TAPT1: variants seen among roughly 807,000 people sequenced by gnomAD.
The protein encoded by TAPT1 is transmembrane anterior posterior transformation protein 1 homolog.
A neutral mutation model predicts 65.6 loss-of-function variants in TAPT1; 28 were observed. That is an observed-to-expected ratio of 0.43 (90% CI 0.32 to 0.59). TAPT1 has a LOEUF of 0.59. TAPT1 is among the 20% of genes least tolerant of loss of function. The probability of loss-of-function intolerance (pLI) is 0.09; values close to 1 mark genes in which losing one functional copy is unlikely to be tolerated. For missense variants in TAPT1, 563 were observed against 679.9 expected, an observed-to-expected ratio of 0.83 and a Z score of 1.91; for synonymous variants, 278 against 245.2, an observed-to-expected ratio of 1.13 and a Z score of -1.25.
chr4:16,218,471 C>G (rs35046072), intron 1 of TAPT1, among the ~76,000 whole-genome samples: 8,044 of 152,254 alleles, frequency 0.053, 238 homozygotes, highest in Middle Eastern at 0.14. Context: ...CTGGAGATGA[C>G]AGCTTTGACC....
chr4:16,202,117 C>G (rs935902301), intron 3 of TAPT1, among the ~76,000 whole-genome samples: 1 of 152,106 alleles, frequency 6.6e-6, no homozygotes, highest in Non-Finnish European at 1.5e-5. Context: ...GGCCCAAGGA[C>G]TTTGGGGAAA....
At chr4:16,177,543 C>T (rs974217842) in intron 8 of TAPT1, among the ~76,000 whole-genome samples, 2 of 152,126 alleles carry the variant, frequency 1.3e-5, no homozygotes, top group Admixed American at 6.5e-5. Flanking sequence ...GGACCTCTTT[C>T]GCCGATAAGC....
At chr4:16,189,598 G>C (rs916774512) in intron 4 of TAPT1, among the ~76,000 whole-genome samples, 4 of 152,152 alleles carry the variant, frequency 2.6e-5, no homozygotes, top group Non-Finnish European at 5.9e-5. Flanking sequence ...GAGATATTCA[G>C]CAACAGTAAC....
At chr4:16,206,296 T>A (rs1490943734) in intron 2 of TAPT1, among the ~76,000 whole-genome samples, 1 of 152,244 alleles carries the variant, frequency 6.6e-6, no homozygotes, top group Non-Finnish European at 1.5e-5. Flanking sequence ...CATAGAATGA[T>A]CCTGAGACTT....
Position 16,221,831 on chromosome 4 carries a change from G to C in TAPT1, c.199+4428C>G, listed in dbSNP as rs373044708. Among the ~76,000 whole-genome samples, 23 of 152,266 alleles carry C rather than the reference G, an allele frequency of 1.5e-4. No homozygotes were observed. The East Asian group carries it at 1.9e-3, about 13-fold the overall frequency. On this transcript the variant is annotated intron_variant, in intron 1 of 13. Coordinates refer to ENST00000405303, the MANE Select transcript of TAPT1 (RefSeq NM_153365.3). ...AAATATTAAATAAGCTTATTGAACA[G>C]AGACACACTCTTGTACCAGGCCAAT...
intron 1 of TAPT1, among the ~76,000 whole-genome samples, chr4:16,225,723 T>A (rs1751510576): frequency 6.6e-6 from 1 of 152,212 alleles, no homozygotes; most frequent in South Asian, 2.1e-4. Flanking sequence ...CAACATTTTA[T>A]GGAGTGTTAA....
intron 5 of TAPT1, among the ~76,000 whole-genome samples, chr4:16,187,677 T>C (rs1417481538): frequency 2.0e-5 from 3 of 152,064 alleles, no homozygotes; most frequent in East Asian, 1.9e-4. Flanking sequence ...AATGTGTGTA[T>C]AAATATGTAG....
intron 7 of TAPT1, among the ~76,000 whole-genome samples, chr4:16,181,273 A>G (rs1748691942): frequency 1.3e-5 from 2 of 152,236 alleles, no homozygotes; most frequent in Non-Finnish European, 2.9e-5. Context: ...CCATAAATGA[A>G]TTTAACAATG....
At chr4:16,223,670 T>A (rs1188519955) in intron 1 of TAPT1, among the ~76,000 whole-genome samples, 1 of 152,208 alleles carries the variant, frequency 6.6e-6, no homozygotes, top group Non-Finnish European at 1.5e-5. Flanking sequence ...TTAGACTTAA[T>A]GGAGACACAT....
intron 3 of TAPT1, among the ~76,000 whole-genome samples, chr4:16,194,365 C>T (rs1578448538): frequency 6.6e-6 from 1 of 152,170 alleles, no homozygotes; most frequent in African/African-American, 2.4e-5. Flanking sequence ...AAGGGACAGT[C>T]AGGAACATGC....
intron 4 of TAPT1, among the ~76,000 whole-genome samples, chr4:16,188,920 C>T (rs1412974983): frequency 7.0e-6 from 1 of 142,452 alleles, no homozygotes; most frequent in East Asian, 2.1e-4. Context: ...TCTGACTCAA[C>T]CAAAAAAAGA....
chr4:16,211,616 G>A (rs1750659064), intron 2 of TAPT1, among the ~76,000 whole-genome samples: 1 of 152,118 alleles, frequency 6.6e-6, no homozygotes, highest in South Asian at 2.1e-4. Context: ...CTCTCTCAGG[G>A]AAAACAAAAA....
At chr4:16,196,613 T>C (rs1749718842) in intron 3 of TAPT1, 1 of 1,060,346 alleles carries the variant, frequency 9.4e-7, no homozygotes, top group African/African-American at 1.6e-5. Flanking sequence ...TTAATGAATG[T>C]CAATTTGGCC....
chr4:16,202,264 T>C (rs890304113), intron 3 of TAPT1, among the ~76,000 whole-genome samples, 198 bp downstream of exon 3: 38 of 152,040 alleles, frequency 2.5e-4, no homozygotes, highest in African/African-American at 8.9e-4. Flanking sequence ...AAAACAATTC[T>C]GGAAAAAAAT....
chr4:16,196,594 C>T, intron 3 of TAPT1: 1 of 859,030 alleles, frequency 1.2e-6, no homozygotes, highest in Non-Finnish European at 1.7e-6. Context: ...ATCCTGTTTA[C>T]TTTTGCATTT....
intron 12 of TAPT1, 126 bp from the exon 13 acceptor site, chr4:16,166,919 G>C: frequency 1.2e-6 from 1 of 865,232 alleles, no homozygotes; most frequent in Non-Finnish European, 1.7e-6. Context: ...GGGATTTAGA[G>C]GAACTTACAC....
At chr4:16,192,898 TC>T (rs1749456796) in intron 3 of TAPT1, among the ~76,000 whole-genome samples, 1 of 152,236 alleles carries the variant, frequency 6.6e-6, no homozygotes, top group African/African-American at 2.4e-5. Flanking sequence ...TATTTGATAT[TC>T]CTTGGCTACA....
intron 1 of TAPT1, among the ~76,000 whole-genome samples, chr4:16,224,826 G>A (rs1382056429): frequency 6.6e-6 from 1 of 152,200 alleles, no homozygotes; most frequent in Non-Finnish European, 1.5e-5. Context: ...CAAGATCTGT[G>A]CTCATCAATA....
intron 11 of TAPT1, among the ~76,000 whole-genome samples, chr4:16,173,918 A>T (rs971738216): frequency 6.6e-6 from 1 of 152,230 alleles, no homozygotes; most frequent in South Asian, 2.1e-4. Flanking sequence ...TATTTCCATT[A>T]AAAAATGTTT....
Sources: allele counts gnomAD v4.1 joint callset (sites outside exome capture counted in the v4.1 genomes callset), GRCh38; gene constraint gnomAD v4.1.1; transcripts MANE v1.5; gene names NCBI Gene and HGNC (gene_info 2026-07-23, HGNC 2026-07-21).